Variants in MBTPS2 observed in about 807,000 individuals in gnomAD.
MBTPS2 encodes membrane bound transcription factor peptidase, site 2, also known as membrane-bound transcription factor site-2 protease.
A neutral mutation model predicts 35.4 loss-of-function variants in MBTPS2; 2 were observed. That is an observed-to-expected ratio of 0.06 (90% CI 0.02 to 0.18). The LOEUF is 0.18. MBTPS2 is among the 10% of genes least tolerant of loss of function. The pLI is 1.00. For synonymous variants in MBTPS2, 125 were observed against 140.4 expected (o/e 0.89, Z 0.77); for missense variants, 244 against 386.5 (o/e 0.63, Z 3.09).
chrX:21,840,086 G>A (rs1255182044), intron 1 of MBTPS2, among the ~76,000 whole-genome samples: 1 of 112,349 alleles, frequency 8.9e-6, no homozygotes, highest in Non-Finnish European at 1.9e-5. Context: ...CGGGAGGGCC[G>A]GGGCCCTGCC....
chrX:21,882,859 C>T lies in MBTPS2; in HGVS notation c.*204C>T. ...AGCAGAAGAAATGAAAGGCATAGTC[C>T]CTGACTATATTCTAATTTAGGACTG... On this transcript the variant is annotated 3_prime_UTR_variant, in exon 11 of 11. Coordinates refer to ENST00000379484, the MANE Select transcript of MBTPS2 (RefSeq NM_015884.4). 1 of 1,078,369 alleles carries T rather than the reference C, an allele frequency of 9.3e-7. No individual in the cohort carries two copies. The highest frequency in any genetic ancestry group is 1.2e-6 in the Non-Finnish European group (1 of 834,523). 88.9% of individuals were successfully genotyped at this position (1,078,369 alleles called of 1,213,427 possible).
intron 2 of MBTPS2, among the ~76,000 whole-genome samples, chrX:21,844,198 A>C (rs924821510): frequency 8.2e-5 from 9 of 110,361 alleles, no homozygotes; most frequent in African/African-American, 3.0e-4. Flanking sequence ...GATGAAGAAA[A>C]AAGAAACGTA....
At chrX:21,875,411 A>T (rs1239435734) in intron 7 of MBTPS2, among the ~76,000 whole-genome samples, 1 of 111,254 alleles carries the variant, frequency 9.0e-6, no homozygotes, top group Non-Finnish European at 1.9e-5. Context: ...CACAGTTCCC[A>T]CCACTTTGTT....
At chrX:21,865,844 T>C (rs923227656) in intron 5 of MBTPS2, among the ~76,000 whole-genome samples, 2 of 112,718 alleles carry the variant, frequency 1.8e-5, no homozygotes, top group Non-Finnish European at 3.7e-5. Context: ...TAGGGCTTGA[T>C]TGGGGTAGCC....
At chrX:21,856,584 G>A in intron 5 of MBTPS2, 2 of 1,211,971 alleles carry the variant, frequency 1.7e-6, no homozygotes, top group South Asian at 1.8e-5. Context: ...TCCTATGGAG[G>A]ACATTCCGAC....
chrX:21,857,587 C>A, intron 5 of MBTPS2: 1 of 1,202,955 alleles, frequency 8.3e-7, no homozygotes, highest in Non-Finnish European at 1.1e-6. Context: ...CATGTGAAGA[C>A]CAAAAACAAC....
Position 21,885,144 on chromosome X carries a change from C to T in MBTPS2, c.*2489C>T, listed in dbSNP as rs1278265175. On this transcript the variant is annotated 3_prime_UTR_variant, in exon 11 of 11. Transcript: ENST00000379484. ...CAGCATCTCAGTTTGAAAAGACATGCAGTTAAACTTGACCTTTTGATAATC... is the reference window on the plus strand; with the variant it reads ...CAGCATCTCAGTTTGAAAAGACATGTAGTTAAACTTGACCTTTTGATAATC... 1.3e-6 allele frequency: 1 copy of T among 752,108 alleles called. No individual in the cohort carries two copies. Among genetic ancestry groups the T allele is most frequent in the Non-Finnish European group, 1.6e-6 (1 of 637,456 alleles). The allele number at this position is 752,108 out of a possible 1,213,427, so 62.0% of individuals were successfully genotyped here. A position where few individuals can be genotyped will look rare whatever the true frequency, so the allele number is the denominator to read the frequency against.
intron 7 of MBTPS2, 112 bp from the exon 8 acceptor site, chrX:21,877,930 T>G (rs1343273367): frequency 1.9e-6 from 1 of 524,333 alleles, no homozygotes; most frequent in Non-Finnish European, 3.4e-6. Context: ...AATTATACAG[T>G]TGCTTCTAAA....
At chrX:21,868,014 A>G (rs1569326940) in intron 5 of MBTPS2, among the ~76,000 whole-genome samples, 1 of 111,617 alleles carries the variant, frequency 9.0e-6, no homozygotes, top group Non-Finnish European at 1.9e-5. Context: ...TTCCACCAAT[A>G]TTGTTCTGCA....
At chrX:21,863,279 A>T (rs1377427605) in intron 5 of MBTPS2, among the ~76,000 whole-genome samples, 3 of 106,959 alleles carry the variant, frequency 2.8e-5, no homozygotes, top group South Asian at 4.0e-4. Flanking sequence ...AAAAAAAAAA[A>T]AATTAAATTT....
Position 21,884,277 on chromosome X carries a change from A to T in MBTPS2, c.*1622A>T. On this transcript the variant is annotated 3_prime_UTR_variant, in exon 11 of 11. Coordinates refer to ENST00000379484, the MANE Select transcript of MBTPS2 (RefSeq NM_015884.4). ...GTATTTGTTCTATTTTTAGGTAGAC[A>T]ATCATTTGGGATCAGAGTACATTAG... The T allele has an allele frequency of 1.3e-6, 1 of 744,463 alleles. No homozygotes were observed. The highest frequency in any genetic ancestry group is 1.6e-6 in the Non-Finnish European group (1 of 629,977). The allele number at this position is 744,463 out of a possible 1,213,427, so 61.4% of individuals were successfully genotyped here. A position where few individuals can be genotyped will look rare whatever the true frequency, so the allele number is the denominator to read the frequency against.
At chrX:21,873,165 A>G (rs941484541) in intron 7 of MBTPS2, 2 of 112,022 alleles carry the variant, frequency 1.8e-5, no homozygotes, top group African/African-American at 6.5e-5. Context: ...TCTCAGATGC[A>G]GTATTAGATT....
chrX:21,844,206 G>GT (rs1569321097), intron 2 of MBTPS2, among the ~76,000 whole-genome samples: 1 of 108,708 alleles, frequency 9.2e-6, no homozygotes, highest in African/African-American at 3.4e-5. Flanking sequence ...AAAAAGAAAC[G>GT]TAAGTAATTA....
Position 21,843,301 on chromosome X carries a change from A to C in MBTPS2, c.207A>C (p.Ala69=). 2 of 1,211,765 alleles carry C rather than the reference A, an allele frequency of 1.7e-6. No homozygotes were observed. The highest frequency in any genetic ancestry group is 2.2e-6 in the Non-Finnish European group (2 of 895,266). ...RAFYSWGRRK[A]RMLYQWFNFG... is the part of the protein sequence containing the mutation. ...TTTACAGTTGGGGACGGCGGAAAGCAAGGATGCTTTACCAATGGTATTCTT... is the reference window on the plus strand; with the variant it reads ...TTTACAGTTGGGGACGGCGGAAAGCCAGGATGCTTTACCAATGGTATTCTT... The change falls in exon 2 of 11, where the codon GCA becomes GCC. Residue 69 remains alanine (A), a synonymous_variant. Coordinates refer to ENST00000379484, the MANE Select transcript of MBTPS2 (RefSeq NM_015884.4).
chrX:21,839,890 G>A (rs895139584), intron 1 of MBTPS2, 81 bp downstream of exon 1: 1 of 972,273 alleles, frequency 1.0e-6, no homozygotes, highest in African/African-American at 1.9e-5. Context: ...CCCCTGCCTG[G>A]CGCCTCCCGG....
Position 21,884,738 on chromosome X carries a change from GA to G in MBTPS2, c.*2084del. The G allele has an allele frequency of 1.5e-6, 1 of 659,535 alleles. No individual in the cohort carries two copies. The highest frequency in any genetic ancestry group is 1.8e-6 in the Non-Finnish European group (1 of 552,880). 54.4% of individuals were successfully genotyped at this position (659,535 alleles called of 1,213,427 possible). A position where few individuals can be genotyped will look rare whatever the true frequency, so the allele number is the denominator to read the frequency against. On this transcript the variant is annotated 3_prime_UTR_variant, in exon 11 of 11. Transcript: ENST00000379484. ...TCTTTGCATCCCTGGCACAGTGCAT[GA>G]GACATAAGTACTTAATAAATGCAGT...
chrX:21,869,979 G>A (rs188840958), intron 7 of MBTPS2: 192 of 222,229 alleles, frequency 8.6e-4, no homozygotes, highest in African/African-American at 4.8e-3. Context: ...AGTGGCTCAC[G>A]CCTGTAATCC....
Position 21,883,292 on chromosome X carries a change from A to G in MBTPS2, c.*637A>G, listed in dbSNP as rs935433378. The G allele has an allele frequency of 2.7e-6, 2 of 754,637 alleles. No individual in the cohort carries two copies. The highest frequency in any genetic ancestry group is 4.6e-5 in the African/African-American group (2 of 43,210). 62.2% of individuals were successfully genotyped at this position (754,637 alleles called of 1,213,427 possible). Reference sequence around the variant, plus strand: ...GAAGTAGGGCCTATGATATCGTGAGACATGTTTTGCCCCACAAGAGTTGCA... The same window carrying G: ...GAAGTAGGGCCTATGATATCGTGAGGCATGTTTTGCCCCACAAGAGTTGCA... On this transcript the variant is annotated 3_prime_UTR_variant, in exon 11 of 11. Transcript: ENST00000379484.
intron 7 of MBTPS2, chrX:21,873,049 A>C: frequency 8.9e-6 from 1 of 111,792 alleles, no homozygotes; most frequent in Non-Finnish European, 1.9e-5. Context: ...CTAGGAATTT[A>C]TACCATTTCA....
Sources: allele counts gnomAD v4.1 joint callset (sites outside exome capture counted in the v4.1 genomes callset), GRCh38; gene constraint gnomAD v4.1.1; transcripts MANE v1.5; gene names NCBI Gene and HGNC (gene_info 2026-07-23, HGNC 2026-07-21).